The following HECTD4 variants were observed in gnomAD, a reference collection of about 807,000 sequenced individuals.
The protein encoded by HECTD4 is HECT domain E3 ubiquitin protein ligase 4.
In HECTD4, 114 loss-of-function variants were observed where a neutral mutation model predicts 471.5. The observed-to-expected ratio is 0.24, with a 90% CI of 0.21 to 0.28. The LOEUF (loss-of-function observed/expected upper bound fraction) is 0.28, where lower values mean the gene tolerates loss of function less well. Ranked by LOEUF, HECTD4 falls within the 10% of genes least tolerant of loss-of-function variation. The probability of loss-of-function intolerance (pLI) is 1.00; values close to 1 mark genes in which losing one functional copy is unlikely to be tolerated. For synonymous variants in HECTD4, 2,012 were observed against 2,256.0 expected, an observed-to-expected ratio of 0.89 and a Z score of 3.07; for missense variants, 3,866 against 5,651.5, an observed-to-expected ratio of 0.68 and a Z score of 10.13.
chr12:112,225,359 C>T (rs1041093152), intron 44 of HECTD4, among the ~76,000 whole-genome samples: 2 of 145,632 alleles, frequency 1.4e-5, no homozygotes, highest in African/African-American at 5.1e-5. Flanking sequence ...GATGAACCTA[C>T]AAGCACTAAG....
intron 49 of HECTD4, among the ~76,000 whole-genome samples, chr12:112,211,941 T>G (rs774992358): frequency 2.0e-4 from 30 of 151,886 alleles, no homozygotes; most frequent in Non-Finnish European, 3.4e-4. Context: ...GAGCATGGAG[T>G]TTAGGGAAAG....
chr12:112,232,980 A>G, intron 38 of HECTD4, 24 bp downstream of exon 38: 3 of 1,584,808 alleles, frequency 1.9e-6, no homozygotes, highest in East Asian at 2.2e-5. Flanking sequence ...TTCGGGTTTC[A>G]TCGTTTTAAC....
At chr12:112,348,635 G>A (rs1017067431) in intron 1 of HECTD4, among the ~76,000 whole-genome samples, 2 of 152,062 alleles carry the variant, frequency 1.3e-5, no homozygotes, top group African/African-American at 4.8e-5. Context: ...TGGTGTGTGC[G>A]TATAGTCCCA....
At position 112,298,501 on chromosome 12, in the gene HECTD4, T is replaced by C. The variant is rs1386211862; in HGVS notation, c.1335+7563A>G. 1.0e-3 allele frequency among the ~76,000 whole-genome samples: 140 copies of C among 138,456 alleles called. 1 individual carries two copies. The highest frequency in any genetic ancestry group is 3.5e-4 in the Non-Finnish European group (23 of 65,328). The allele number at this position is 138,456 out of a possible 152,430, so 90.8% of individuals were successfully genotyped here. A position where few individuals can be genotyped will look rare whatever the true frequency, so the allele number is the denominator to read the frequency against. ...ATTAATTTTTTTTTTTTTTTTTTGG[T>C]AGAGATAGGGTCTCACTATGTTGCA... On this transcript the variant is annotated intron_variant, in intron 7 of 75. Transcript: ENST00000682272.
chr12:112,298,867 G>A (rs1431349607), intron 7 of HECTD4, among the ~76,000 whole-genome samples: 1 of 148,352 alleles, frequency 6.7e-6, no homozygotes, highest in Non-Finnish European at 1.5e-5. Context: ...GGGTGACAGA[G>A]TGAGACTCCA....
Position 112,328,110 on chromosome 12 carries a change from CTATTTATTTATT to C in HECTD4, c.178-8380_178-8369del, listed in dbSNP as rs58061315. On this transcript the variant is annotated intron_variant, in intron 1 of 75. Coordinates refer to ENST00000682272, the MANE Select transcript of HECTD4 (RefSeq NM_001388303.1). ...CTAGACTTGCAACCTCAATGTAAAA[CTATTTATTTATT>C]TATTTATTTATTTATTTATTTATTT... 3.8e-3 allele frequency among the ~76,000 whole-genome samples: 561 copies of C among 145,794 alleles called. 5 individuals are homozygous for C. The highest frequency in any genetic ancestry group is 0.011 in the African/African-American group (439 of 38,956).
intron 29 of HECTD4, among the ~76,000 whole-genome samples, chr12:112,244,485 C>T (rs2033712603): frequency 6.6e-6 from 1 of 152,198 alleles, no homozygotes; most frequent in Non-Finnish European, 1.5e-5. Context: ...TCTCCTACCT[C>T]AGCCTCCCAA....
At chr12:112,287,541 C>T (rs1032342898) in intron 7 of HECTD4, among the ~76,000 whole-genome samples, 1 of 152,044 alleles carries the variant, frequency 6.6e-6, no homozygotes, top group Non-Finnish European at 1.5e-5. Flanking sequence ...TTTAAAACTG[C>T]AGTTTATATA....
At chr12:112,236,850 A>G in intron 35 of HECTD4, 95 bp downstream of exon 35, 1 of 1,151,306 alleles carries the variant, frequency 8.7e-7, no homozygotes, top group Middle Eastern at 2.2e-4. Flanking sequence ...CTAGTAATTT[A>G]GCTATTTTGA....
At chr12:112,315,517 G>A (rs7295450) in intron 2 of HECTD4, among the ~76,000 whole-genome samples, 34,622 of 151,962 alleles carry the variant, frequency 0.23, 6,441 homozygotes, top group East Asian at 0.85. Context: ...CATGGGTTCT[G>A]AAACCTGGCT....
In HECTD4 at chr12:112,252,413, G is replaced by C. The variant is rs1270478787; in HGVS notation, c.3552+11C>G. 5 of 1,583,406 alleles carry C rather than the reference G, an allele frequency of 3.2e-6. No homozygotes were observed. The highest frequency in any genetic ancestry group is 2.3e-5 in the East Asian group (1 of 43,648). On this transcript the variant is annotated intron_variant, in intron 23 of 75. Transcript: ENST00000682272. ...TACATTTTGTCCACGGCAGTGGTTA[G>C]ATTCAAGTACCTGAGCGCGAACTGT...
intron 34 of HECTD4, among the ~76,000 whole-genome samples, chr12:112,238,262 G>A (rs2033561251): frequency 6.6e-6 from 1 of 152,064 alleles, no homozygotes; most frequent in Admixed American, 6.6e-5. Flanking sequence ...GTTGCCCAGG[G>A]AGTGTAGTGG....
At chr12:112,248,227 A>G in intron 26 of HECTD4, 56 bp from the exon 27 acceptor site, 1 of 1,531,036 alleles carries the variant, frequency 6.5e-7, no homozygotes. Context: ...TCAAAATTTT[A>G]GTCACAATAG....
chr12:112,269,014 A>C (rs1261926321), intron 13 of HECTD4, among the ~76,000 whole-genome samples: 1 of 149,470 alleles, frequency 6.7e-6, no homozygotes, highest in Non-Finnish European at 1.5e-5. Flanking sequence ...AGCTGGGACT[A>C]CAGGAGCGCG....
At chr12:112,300,494 T>C (rs2135673663) in intron 7 of HECTD4, among the ~76,000 whole-genome samples, 1 of 152,334 alleles carries the variant, frequency 6.6e-6, no homozygotes, top group South Asian at 2.1e-4. Flanking sequence ...CTTTTATCCT[T>C]GGTAATCTGA....
At chr12:112,197,056 A>G (rs2032267559) in intron 55 of HECTD4, among the ~76,000 whole-genome samples, 1 of 152,062 alleles carries the variant, frequency 6.6e-6, no homozygotes, top group Admixed American at 6.6e-5. Context: ...TCGGCCTCCC[A>G]AAGTGCTGGG....
At chr12:112,363,848 C>T (rs1325942474) in intron 1 of HECTD4, among the ~76,000 whole-genome samples, 4 of 151,510 alleles carry the variant, frequency 2.6e-5, no homozygotes, top group African/African-American at 9.7e-5. Flanking sequence ...TGGTGGCGTG[C>T]GCCTGCAATC....
chr12:112,308,698 ACTTT>A, intron 6 of HECTD4, 51 bp downstream of exon 6: 1 of 1,448,210 alleles, frequency 6.9e-7, no homozygotes, highest in Non-Finnish European at 9.2e-7. Flanking sequence ...TGATATAGGA[ACTTT>A]CTTTATTGCC....
chr12:112,284,006 G>C (rs1213618669), intron 7 of HECTD4, among the ~76,000 whole-genome samples: 2 of 142,780 alleles, frequency 1.4e-5, no homozygotes, highest in Non-Finnish European at 1.5e-5. Context: ...TTGCTAAAAA[G>C]ATCCAGACCA....
Sources: gnomAD v4.1 joint callset for allele counts (sites outside exome capture counted in the v4.1 genomes callset) on GRCh38, gnomAD v4.1.1 for gene constraint, MANE v1.5 for transcripts, NCBI Gene and HGNC (gene_info 2026-07-23, HGNC 2026-07-21) for gene names.